Variants in MTUS2 observed in about 807,000 individuals in gnomAD.
MTUS2 encodes the protein microtubule-associated tumor suppressor candidate 2.
In MTUS2, 40 loss-of-function variants were observed where a neutral mutation model predicts 114.1. The ratio of observed to expected loss-of-function variants is 0.35; its 90% CI spans 0.27 to 0.46. The LOEUF (loss-of-function observed/expected upper bound fraction) is 0.46. Ranked by LOEUF, MTUS2 falls within the 20% of genes least tolerant of loss-of-function variation. MTUS2 has a pLI of 1.00. For synonymous variants in MTUS2, 688 were observed against 672.0 expected (o/e 1.02, Z -0.37); for missense variants, 1,679 against 1,705.4 (o/e 0.98, Z 0.27).
At chr13:29,287,405 C>T (rs945966885) in intron 6 of MTUS2, among the ~76,000 whole-genome samples, 5 of 152,148 alleles carry the variant, frequency 3.3e-5, no homozygotes, top group Non-Finnish European at 7.4e-5. Flanking sequence ...TATTCTCGCT[C>T]GTGGTGGAGC....
chr13:28,926,725 T>A (rs1463291370), intron 2 of MTUS2, among the ~76,000 whole-genome samples: 2 of 152,198 alleles, frequency 1.3e-5, no homozygotes, highest in African/African-American at 4.8e-5. Context: ...AGTTTATCAA[T>A]CATCTTTTCA....
chr13:29,480,510 C>T lies in MTUS2; in HGVS notation c.3399+146C>T. On this transcript the variant is annotated intron_variant, in intron 10 of 15. Coordinates refer to ENST00000612955, the MANE Select transcript of MTUS2 (RefSeq NM_001033602.4). The surrounding 1 kb of genome is among the most constrained non-coding windows in gnomAD (Gnocchi z 4.4). ...TTCTGAGTTGCTTTCTCCTTTCTCC[C>T]CGCTCCTCTCTTCTCCTCCAGCCAC... The T allele has an allele frequency of 1.1e-6, 1 of 893,864 alleles. No homozygotes were observed. Among genetic ancestry groups the T allele is most frequent in the Non-Finnish European group, 1.6e-6 (1 of 610,750 alleles). 55.4% of individuals were successfully genotyped at this position (893,864 alleles called of 1,614,324 possible).
intron 2 of MTUS2, among the ~76,000 whole-genome samples, chr13:28,876,999 A>G (rs2138122405): frequency 6.6e-6 from 1 of 152,206 alleles, no homozygotes; most frequent in East Asian, 1.9e-4. Context: ...ACTTTAAAAA[A>G]TACTTATTTA....
At chr13:28,884,940 A>G (rs1012221317) in intron 2 of MTUS2, among the ~76,000 whole-genome samples, 6 of 152,116 alleles carry the variant, frequency 3.9e-5, no homozygotes, top group Non-Finnish European at 7.3e-5. Flanking sequence ...GGGAGAGTTT[A>G]TCATTTTGTC....
chr13:29,175,919 G>A (rs8001681), intron 5 of MTUS2, among the ~76,000 whole-genome samples: 112,809 of 152,100 alleles, frequency 0.74, 41,945 homozygotes, highest in East Asian at 0.8. Flanking sequence ...GGCTGGCCTT[G>A]GAGTGAGCTC....
chr13:28,943,225 G>A (rs2138141623), intron 2 of MTUS2, among the ~76,000 whole-genome samples: 2 of 152,254 alleles, frequency 1.3e-5, no homozygotes, highest in South Asian at 4.1e-4. Context: ...GGTAATATAT[G>A]TAATGTGCCC....
chr13:29,185,762 T>C (rs1894197956), intron 5 of MTUS2, among the ~76,000 whole-genome samples: 2 of 152,202 alleles, frequency 1.3e-5, no homozygotes, highest in African/African-American at 4.8e-5. Context: ...AGATATTTCG[T>C]ACAAGAAATA....
intron 8 of MTUS2, among the ~76,000 whole-genome samples, chr13:29,428,291 T>C (rs59066401): frequency 0.013 from 2,053 of 152,284 alleles, 42 homozygotes; most frequent in African/African-American, 0.046. Context: ...CCCAGAAAAA[T>C]AGGAGCTAGG....
chr13:29,137,565 T>C (rs926857681), intron 5 of MTUS2, among the ~76,000 whole-genome samples: 1 of 151,948 alleles, frequency 6.6e-6, no homozygotes, highest in Non-Finnish European at 1.5e-5. Flanking sequence ...TCTTTCTTCT[T>C]TGTTCTTTCT....
chr13:29,233,944 T>C (rs962872545), intron 5 of MTUS2, among the ~76,000 whole-genome samples: 1 of 152,224 alleles, frequency 6.6e-6, no homozygotes, highest in Admixed American at 6.5e-5. Flanking sequence ...ACAATTATTT[T>C]TGTAGCTGCT....
chr13:29,315,141 A>G (rs1209296258), intron 6 of MTUS2, among the ~76,000 whole-genome samples: 1 of 152,210 alleles, frequency 6.6e-6, no homozygotes, highest in Non-Finnish European at 1.5e-5. Context: ...AGAACTAGAG[A>G]ATAGAATAGT....
chr13:29,048,064 A>T (rs1167094211), intron 4 of MTUS2, among the ~76,000 whole-genome samples: 1 of 152,186 alleles, frequency 6.6e-6, no homozygotes, highest in Non-Finnish European at 1.5e-5. Context: ...GTTGGTGGAC[A>T]TTTTGGTTGT....
Position 29,024,566 on chromosome 13 carries a change from A to T in MTUS2, c.-133A>T. 9.6e-7 allele frequency: 1 copy of T among 1,043,094 alleles called. No individual in the cohort carries two copies. Among genetic ancestry groups the T allele is most frequent in the Non-Finnish European group, 1.4e-6 (1 of 709,974 alleles). The allele number at this position is 1,043,094 out of a possible 1,614,324, so 64.6% of individuals were successfully genotyped here. ...AAGCTGTTCTGAGAATGATTAAAGC[A>T]GTGTCGCAAGGTGACATTGTCAGGG... On this transcript the variant is annotated 5_prime_UTR_variant, in exon 3 of 16. Coordinates refer to ENST00000612955, the MANE Select transcript of MTUS2 (RefSeq NM_001033602.4).
intron 5 of MTUS2, among the ~76,000 whole-genome samples, chr13:29,174,731 G>T (rs545173484): frequency 6.6e-6 from 1 of 152,112 alleles, no homozygotes; most frequent in African/African-American, 2.4e-5. Flanking sequence ...TCCCCTCTGC[G>T]TAGTATTATA....
In MTUS2 at chr13:28,986,388, G is replaced by A. The variant is rs148703414; in HGVS notation, c.-242-38069G>A. ...AGAGTCCCTGATGCATACACTAGGT[G>A]GGCACTGGCTTCCTGGCTTCAGAGC... On this transcript the variant is annotated intron_variant, in intron 2 of 15. Transcript: ENST00000612955. Among the ~76,000 whole-genome samples, 448 of 152,068 alleles carry A rather than the reference G, an allele frequency of 2.9e-3. 2 individuals are homozygous for A. Among genetic ancestry groups the A allele is most frequent in the Non-Finnish European group, 3.5e-3 (239 of 67,970 alleles).
At chr13:28,912,561 T>G (rs1440939803) in intron 2 of MTUS2, among the ~76,000 whole-genome samples, 2 of 152,100 alleles carry the variant, frequency 1.3e-5, no homozygotes, top group Non-Finnish European at 2.9e-5. Context: ...ATGTCAATGG[T>G]AGTTTAATGG....
intron 2 of MTUS2, among the ~76,000 whole-genome samples, chr13:28,893,494 G>A (rs1330097426): frequency 6.6e-6 from 1 of 152,142 alleles, no homozygotes; most frequent in Non-Finnish European, 1.5e-5. Context: ...TGTGATTTGT[G>A]GTTAGAAGAA....
intron 4 of MTUS2, among the ~76,000 whole-genome samples, chr13:29,063,299 T>C (rs977623039): frequency 6.6e-6 from 1 of 152,208 alleles, no homozygotes; most frequent in Non-Finnish European, 1.5e-5. Context: ...TTTGTGCATA[T>C]GGTAAATGCA....
intron 5 of MTUS2, among the ~76,000 whole-genome samples, chr13:29,228,817 A>G (rs1277676989): frequency 6.6e-6 from 1 of 152,144 alleles, no homozygotes; most frequent in Admixed American, 6.5e-5. Flanking sequence ...TGTAATACAA[A>G]TTTTAGATAA....
Sources: allele counts gnomAD v4.1 joint callset (sites outside exome capture counted in the v4.1 genomes callset), GRCh38; gene constraint gnomAD v4.1.1; non-coding constraint Gnocchi (gnomAD v3.1); transcripts MANE v1.5; gene names NCBI Gene and HGNC (gene_info 2026-07-23, HGNC 2026-07-21).